Variants in BCKDHB observed in about 807,000 individuals in gnomAD.
BCKDHB encodes the protein 2-oxoisovalerate dehydrogenase subunit beta, mitochondrial.
Under a neutral mutation model 48.5 loss-of-function variants are expected in BCKDHB, and 41 were observed. The ratio of observed to expected loss-of-function variants is 0.85; its 90% CI spans 0.66 to 1.10. The LOEUF is 1.10. Ranked by LOEUF, BCKDHB falls within the 50% of genes least tolerant of loss-of-function variation. The probability of loss-of-function intolerance (pLI) is 0.00; values close to 1 mark genes in which losing one functional copy is unlikely to be tolerated. For synonymous variants in BCKDHB, 201 were observed against 174.8 expected, an observed-to-expected ratio of 1.15 and a Z score of -1.18; for missense variants, 496 against 494.2, an observed-to-expected ratio of 1.00 and a Z score of -0.03.
intron 1 of BCKDHB, among the ~76,000 whole-genome samples, chr6:80,125,853 A>T (rs901666781): frequency 6.6e-6 from 1 of 152,180 alleles, no homozygotes; most frequent in Non-Finnish European, 1.5e-5. Flanking sequence ...AATAGTAATG[A>T]AAAAGTTTGA....
In BCKDHB at chr6:80,294,824, C is replaced by G. The variant is rs149456089; in HGVS notation, c.1038+21603C>G. Among the ~76,000 whole-genome samples, 494 of 151,624 alleles carry G rather than the reference C, an allele frequency of 3.3e-3. 3 individuals are homozygous for G. The highest frequency in any genetic ancestry group is 0.011 in the African/African-American group (471 of 41,162). ...AACACATGCATCACTGAACATAGAC[C>G]CTTATCAGTAGTTCTCCTTTTGCCC... On this transcript the variant is annotated intron_variant, in intron 9 of 9. Coordinates refer to ENST00000320393, the MANE Select transcript of BCKDHB (RefSeq NM_183050.4).
At chr6:80,107,107 CG>C (rs1412671444) in intron 1 of BCKDHB, among the ~76,000 whole-genome samples, 18 of 151,692 alleles carry the variant, frequency 1.2e-4, no homozygotes, top group Admixed American at 5.9e-4. Flanking sequence ...CCCCCTCCCC[CG>C]CAACTTTGAG....
chr6:80,200,063 CAAA>C (rs55737130), intron 6 of BCKDHB, among the ~76,000 whole-genome samples: 7 of 32,770 alleles, frequency 2.1e-4, no homozygotes, highest in South Asian at 1.4e-3. Flanking sequence ...GACCCTGTCT[CAAA>C]AAAAAAAAAA....
At chr6:80,270,920 T>C (rs1777712932) in intron 8 of BCKDHB, among the ~76,000 whole-genome samples, 1 of 152,144 alleles carries the variant, frequency 6.6e-6, no homozygotes, top group African/African-American at 2.4e-5. Context: ...AAATAACATG[T>C]ATTTTTAAAT....
chr6:80,190,807 C>T (rs1773858613), intron 6 of BCKDHB, among the ~76,000 whole-genome samples: 1 of 152,168 alleles, frequency 6.6e-6, no homozygotes, highest in Non-Finnish European at 1.5e-5. Flanking sequence ...TTTTCCTCAC[C>T]CCTTTGCTAG....
chr6:80,354,246 T>A, the BCKDHB span, among the ~76,000 whole-genome samples: 5 of 151,614 alleles, frequency 3.3e-5, no homozygotes, highest in African/African-American at 1.2e-4. Context: ...TTTATTTTTT[T>A]ATACAGAGTC....
chr6:80,275,276 G>A (rs539603596), intron 9 of BCKDHB, among the ~76,000 whole-genome samples: 1 of 152,020 alleles, frequency 6.6e-6, no homozygotes, highest in Non-Finnish European at 1.5e-5. Flanking sequence ...TTAGACAGGA[G>A]TCTTGAATAA....
intron 9 of BCKDHB, among the ~76,000 whole-genome samples, chr6:80,339,557 C>A (rs1031649226): frequency 1.3e-5 from 2 of 152,118 alleles, no homozygotes; most frequent in African/African-American, 2.4e-5. Context: ...GCATAGCAAT[C>A]CAGATGGCTA....
the BCKDHB span, among the ~76,000 whole-genome samples, chr6:80,379,587 C>T: frequency 6.6e-6 from 1 of 151,882 alleles, no homozygotes; most frequent in South Asian, 2.1e-4. Flanking sequence ...GTACTGGTAG[C>T]CCAAGCCAGA....
At chr6:80,124,322 C>G (rs183415667) in intron 1 of BCKDHB, among the ~76,000 whole-genome samples, 14 of 152,210 alleles carry the variant, frequency 9.2e-5, no homozygotes, top group Admixed American at 7.2e-4. Context: ...GTTATGTGGT[C>G]AATTTTAGAA....
intron 5 of BCKDHB, chr6:80,169,778 T>G: frequency 6.3e-7 from 1 of 1,585,012 alleles, no homozygotes. Context: ...GTCTATGTTT[T>G]ATTCTTTTTT....
the BCKDHB span, chr6:80,454,073 A>G: frequency 6.6e-6 from 1 of 152,226 alleles, no homozygotes; most frequent in Middle Eastern, 3.4e-3. Context: ...ATGCTCATAC[A>G]CTCTACCTGA....
chr6:80,242,826 G>A (rs1471780446), intron 8 of BCKDHB, among the ~76,000 whole-genome samples: 2 of 151,320 alleles, frequency 1.3e-5, no homozygotes, highest in East Asian at 1.9e-4. Context: ...TGGTACTGGG[G>A]CATCAGGCTA....
intron 2 of BCKDHB, among the ~76,000 whole-genome samples, chr6:80,128,744 C>T (rs1338855560): frequency 6.6e-6 from 1 of 152,150 alleles, no homozygotes; most frequent in Non-Finnish European, 1.5e-5. Context: ...GTCTCGTTTT[C>T]TTCATGGATA....
At chr6:80,316,111 C>T (rs910187002) in intron 9 of BCKDHB, among the ~76,000 whole-genome samples, 1 of 152,064 alleles carries the variant, frequency 6.6e-6, no homozygotes, top group Admixed American at 6.5e-5. Context: ...TTTAGGATTC[C>T]GAAACAGTGA....
chr6:80,106,776 G>T lies in BCKDHB; in HGVS notation c.83G>T (p.Gly28Val), dbSNP rs768452867. Residue 28 changes from glycine (G) to valine (V), a missense_variant, in exon 1 of 10, where the codon GGC becomes GTC. By Grantham distance (109) the Gly-to-Val change is moderately radical. Transcript: ENST00000320393. ...GAGGGGCACTGGCGTCGGCTTCCTGGCGCGGGGCTGGCGCGGGGCTTTTTG... is the reference window on the plus strand; with the variant it reads ...GAGGGGCACTGGCGTCGGCTTCCTGTCGCGGGGCTGGCGCGGGGCTTTTTG... ...GAEGHWRRLP[G>V]AGLARGFLHP... is the part of the protein sequence containing the mutation. 2 of 1,590,890 alleles carry T rather than the reference G, an allele frequency of 1.3e-6. No homozygotes were observed. Among genetic ancestry groups the T allele is most frequent in the Non-Finnish European group, 1.7e-6 (2 of 1,169,954 alleles).
the BCKDHB span, among the ~76,000 whole-genome samples, chr6:80,394,383 A>G: frequency 2.0e-5 from 3 of 151,634 alleles, no homozygotes; most frequent in Non-Finnish European, 4.4e-5. Context: ...ATAGAGTTCT[A>G]TTCTTGTTCT....
chr6:80,415,559 G>A, the BCKDHB span, among the ~76,000 whole-genome samples: 1 of 152,048 alleles, frequency 6.6e-6, no homozygotes, highest in Non-Finnish European at 1.5e-5. Context: ...TTCTATTCAT[G>A]TGATGAATCA....
At chr6:80,439,425 AT>A in the BCKDHB span, among the ~76,000 whole-genome samples, 1 of 152,158 alleles carries the variant, frequency 6.6e-6, no homozygotes, top group African/African-American at 2.4e-5. Flanking sequence ...TTACATAGAA[AT>A]TTTCTTCCAA....
Sources: allele counts gnomAD v4.1 joint callset (sites outside exome capture counted in the v4.1 genomes callset), GRCh38; gene constraint gnomAD v4.1.1; transcripts MANE v1.5; gene names NCBI Gene and HGNC (gene_info 2026-07-23, HGNC 2026-07-21).